Variants in AOAH observed in about 807,000 individuals in gnomAD.
AOAH encodes the protein acyloxyacyl hydrolase.
AOAH carries 64 observed loss-of-function variants against 92.2 expected under a neutral mutation model. The ratio of observed to expected loss-of-function variants is 0.69; its 90% CI spans 0.57 to 0.86. AOAH has a LOEUF of 0.86. Ranked by LOEUF, AOAH falls within the 40% of genes least tolerant of loss-of-function variation. AOAH has a pLI of 0.00. For missense variants in AOAH, 656 were observed against 694.6 expected, an observed-to-expected ratio of 0.94 and a Z score of 0.62; for synonymous variants, 263 against 254.5, an observed-to-expected ratio of 1.03 and a Z score of -0.32.
In AOAH at chr7:36,657,612, G is replaced by C. The variant is rs375980462; in HGVS notation, c.390+1554C>G. On this transcript the variant is annotated intron_variant, in intron 4 of 20. Coordinates refer to ENST00000617537, the MANE Select transcript of AOAH (RefSeq NM_001637.4). ...CAGAGGGTGAAGGCCTAGAACAGCC[G>C]TCAGAGGAAAGTGAAGGGGGCTGTC... Among the ~76,000 whole-genome samples, 16 of 152,316 alleles carry C rather than the reference G, an allele frequency of 1.1e-4. No homozygotes were observed. In the East Asian group the frequency reaches 1.7e-3, roughly 17 times the overall value.
intron 2 of AOAH, among the ~76,000 whole-genome samples, chr7:36,681,589 G>C (rs1796647818): frequency 6.6e-6 from 1 of 152,132 alleles, no homozygotes; most frequent in Admixed American, 6.5e-5. Flanking sequence ...CAGATCACCT[G>C]AGGTCAGGAG....
At chr7:36,558,078 C>T (rs1354666526) in intron 13 of AOAH, among the ~76,000 whole-genome samples, 4 of 152,130 alleles carry the variant, frequency 2.6e-5, no homozygotes, top group African/African-American at 7.2e-5. Flanking sequence ...TTAGAGTTTC[C>T]AGTATTTCTG....
chr7:36,572,110 G>A (rs1788181742), intron 13 of AOAH, among the ~76,000 whole-genome samples: 1 of 152,030 alleles, frequency 6.6e-6, no homozygotes, highest in South Asian at 2.1e-4. Flanking sequence ...ATGATCACAT[G>A]TACCCTGAAG....
intron 11 of AOAH, among the ~76,000 whole-genome samples, chr7:36,601,300 G>A (rs1411737467): frequency 2.6e-5 from 4 of 152,162 alleles, no homozygotes; most frequent in African/African-American, 9.7e-5. Flanking sequence ...GTCTCATATT[G>A]AGGGAAAGTC....
intron 2 of AOAH, among the ~76,000 whole-genome samples, chr7:36,674,219 G>T (rs533560426): frequency 6.6e-6 from 1 of 152,274 alleles, no homozygotes; most frequent in East Asian, 1.9e-4. Context: ...AACCGTCCAG[G>T]TTAAAGATAA....
chr7:36,519,255 G>A (rs953960741), intron 20 of AOAH, among the ~76,000 whole-genome samples: 1 of 152,102 alleles, frequency 6.6e-6, no homozygotes, highest in South Asian at 2.1e-4. Flanking sequence ...CAACTCCACG[G>A]TCATACTCTC....
intron 1 of AOAH, among the ~76,000 whole-genome samples, chr7:36,688,227 A>G (rs1051139215): frequency 1.3e-5 from 2 of 152,206 alleles, no homozygotes; most frequent in Admixed American, 1.3e-4. Context: ...ATTTTCATAT[A>G]TATTTGTTTT....
At chr7:36,619,448 C>G (rs1792126966) in intron 9 of AOAH, among the ~76,000 whole-genome samples, 1 of 152,168 alleles carries the variant, frequency 6.6e-6, no homozygotes, top group Admixed American at 6.5e-5. Flanking sequence ...ATATCTGAGG[C>G]CTGGGTGGGA....
chr7:36,710,545 A>G (rs979633631), intron 1 of AOAH, among the ~76,000 whole-genome samples: 5 of 152,236 alleles, frequency 3.3e-5, no homozygotes, highest in African/African-American at 1.2e-4. Context: ...AACTCTGAGC[A>G]GGGAACTCAA....
intron 20 of AOAH, among the ~76,000 whole-genome samples, chr7:36,519,997 A>G (rs191592087): frequency 6.6e-6 from 1 of 152,340 alleles, no homozygotes; most frequent in East Asian, 1.9e-4. Context: ...TATACATGAT[A>G]AATAGGCAGG....
At chr7:36,621,842 G>T (rs1792305444) in intron 7 of AOAH, 62 bp from the exon 8 acceptor site, 1 of 1,461,854 alleles carries the variant, frequency 6.8e-7, no homozygotes, top group Non-Finnish European at 9.6e-7. Context: ...CACGAGGAAG[G>T]CTAATCAGAG....
At chr7:36,565,965 G>A (rs1787679986) in intron 13 of AOAH, among the ~76,000 whole-genome samples, 1 of 152,064 alleles carries the variant, frequency 6.6e-6, no homozygotes, top group African/African-American at 2.4e-5. Flanking sequence ...ACCGTGTTCT[G>A]GGCTAGGATC....
chr7:36,691,664 T>C (rs995444178), intron 1 of AOAH, among the ~76,000 whole-genome samples: 2 of 152,162 alleles, frequency 1.3e-5, no homozygotes, highest in African/African-American at 4.8e-5. Context: ...TTGGCACCCA[T>C]GGAATGGAAT....
intron 1 of AOAH, among the ~76,000 whole-genome samples, chr7:36,690,904 T>C (rs1797356691): frequency 6.6e-6 from 1 of 152,200 alleles, no homozygotes; most frequent in African/African-American, 2.4e-5. Context: ...AGGAATCCTT[T>C]TGATGTGAAA....
Position 36,709,131 on chromosome 7 carries a change from T to A in AOAH, c.127+14891A>T, listed in dbSNP as rs1798608222. 2.0e-5 allele frequency among the ~76,000 whole-genome samples: 3 copies of A among 152,286 alleles called. No homozygotes were observed. The South Asian group carries it at 6.2e-4, about 32-fold the overall frequency. On this transcript the variant is annotated intron_variant, in intron 1 of 20. Coordinates refer to ENST00000617537, the MANE Select transcript of AOAH (RefSeq NM_001637.4). ...CAGATTATTTCCAGGATCTCCCTGC[T>A]AAACTTATGGCTGATCACCGTTGCT...
chr7:36,587,660 C>T (rs1011721553), intron 12 of AOAH, among the ~76,000 whole-genome samples: 1 of 152,132 alleles, frequency 6.6e-6, no homozygotes, highest in Non-Finnish European at 1.5e-5. Context: ...AATATTGCTA[C>T]ATATCACATT....
At chr7:36,697,169 A>G (rs1478557527) in intron 1 of AOAH, among the ~76,000 whole-genome samples, 3 of 152,166 alleles carry the variant, frequency 2.0e-5, no homozygotes, top group African/African-American at 7.2e-5. Flanking sequence ...AAAAAGTCAC[A>G]AGTAGGGTTT....
intron 13 of AOAH, among the ~76,000 whole-genome samples, chr7:36,564,615 A>G (rs1787546954): frequency 6.6e-6 from 1 of 152,248 alleles, no homozygotes; most frequent in Non-Finnish European, 1.5e-5. Flanking sequence ...CTTTATCTCA[A>G]GCCCTAAACA....
intron 8 of AOAH, 112 bp from the exon 9 acceptor site, chr7:36,620,941 G>A: frequency 1.0e-6 from 1 of 972,564 alleles, no homozygotes. Flanking sequence ...AAGTGCCATG[G>A]AGAGACAACA....
Sources: allele counts gnomAD v4.1 joint callset (sites outside exome capture counted in the v4.1 genomes callset), GRCh38; gene constraint gnomAD v4.1.1; transcripts MANE v1.5; gene names NCBI Gene and HGNC (gene_info 2026-07-23, HGNC 2026-07-21).